The following CCSER1 variants were observed in gnomAD, a reference collection of about 807,000 sequenced individuals.
CCSER1 encodes the protein coiled-coil serine rich protein 1.
A neutral mutation model predicts 82.0 loss-of-function variants in CCSER1; 41 were observed. That is an observed-to-expected ratio of 0.50 (90% CI 0.39 to 0.65). The LOEUF is 0.65. CCSER1 is among the 30% of genes least tolerant of loss of function. The probability of loss-of-function intolerance (pLI) is 0.00; values close to 1 mark genes in which losing one functional copy is unlikely to be tolerated. For synonymous variants in CCSER1, 414 were observed against 383.9 expected (o/e 1.08, Z -0.92); for missense variants, 1,119 against 1,064.2 (o/e 1.05, Z -0.72).
intron 9 of CCSER1, among the ~76,000 whole-genome samples, chr4:90,946,891 A>G (rs13117039): frequency 0.051 from 7,744 of 152,280 alleles, 391 homozygotes; most frequent in East Asian, 0.22. Flanking sequence ...AGTGACTCAT[A>G]ACATCAAATA....
intron 1 of CCSER1, among the ~76,000 whole-genome samples, chr4:90,262,330 G>T (rs1724484326): frequency 6.6e-6 from 1 of 151,924 alleles, no homozygotes; most frequent in Admixed American, 6.6e-5. Flanking sequence ...TGCTTTTAGG[G>T]CTGAAGACTG....
intron 8 of CCSER1, among the ~76,000 whole-genome samples, chr4:90,817,401 A>G (rs1371926870): frequency 6.6e-6 from 1 of 152,056 alleles, no homozygotes; most frequent in Non-Finnish European, 1.5e-5. Context: ...CATTTGCTGA[A>G]TTAAATGAAA....
chr4:90,471,724 C>T lies in CCSER1; in HGVS notation c.1724+3370C>T, dbSNP rs573893607. On this transcript the variant is annotated intron_variant, in intron 5 of 10. Transcript: ENST00000509176. ...GACGTGGTGACTCACACCTGTAATC[C>T]CGCACTTTGGGAGGCCGAGGCGGGC... Among the ~76,000 whole-genome samples the T allele has an allele frequency of 1.1e-4, 16 of 151,442 alleles. No homozygotes were observed. The East Asian group carries it at 3.1e-3, about 29-fold the overall frequency.
At chr4:90,206,030 G>T (rs1738751737) in intron 1 of CCSER1, among the ~76,000 whole-genome samples, 1 of 152,054 alleles carries the variant, frequency 6.6e-6, no homozygotes, top group African/African-American at 2.4e-5. Context: ...ATTTTTGTGG[G>T]ATCAGTGGGG....
intron 10 of CCSER1, among the ~76,000 whole-genome samples, chr4:91,506,009 C>T (rs1009514886): frequency 2.0e-5 from 3 of 152,218 alleles, no homozygotes; most frequent in Admixed American, 6.5e-5. Flanking sequence ...AATCTTTGCC[C>T]ATGCCTATGT....
chr4:91,312,635 T>G (rs1298198880), intron 10 of CCSER1, among the ~76,000 whole-genome samples: 1 of 151,920 alleles, frequency 6.6e-6, no homozygotes, highest in Non-Finnish European at 1.5e-5. Flanking sequence ...TAAACTTGGA[T>G]TCCATACTCA....
rs1012491465 is a variant in CCSER1, at chr4:90,369,450, TGAA to T, written c.1510-30580_1510-30578del. Among the ~76,000 whole-genome samples the T allele has an allele frequency of 4.3e-4, 65 of 151,266 alleles. 1 individual carries two copies. Among genetic ancestry groups the T allele is most frequent in the African/African-American group, 1.4e-3 (59 of 41,252 alleles). ...GCACAGAGGTATAAAAAAAGAGAAT[TGAA>T]GAAGATATAGGGAGATTGAGAGTAA... On this transcript the variant is annotated intron_variant, in intron 3 of 10. Transcript: ENST00000509176.
At chr4:91,353,677 T>C (rs991451747) in intron 10 of CCSER1, among the ~76,000 whole-genome samples, 12 of 152,200 alleles carry the variant, frequency 7.9e-5, no homozygotes, top group Non-Finnish European at 1.6e-4. Flanking sequence ...TCTTATGCAA[T>C]AGATTGATAG....
chr4:91,556,935 T>A (rs757877145), intron 10 of CCSER1, among the ~76,000 whole-genome samples: 25 of 151,184 alleles, frequency 1.7e-4, no homozygotes, highest in Non-Finnish European at 2.7e-4. Flanking sequence ...AGAGAGGCCA[T>A]TTTTTAGTTT....
rs1325252254 is a variant in CCSER1 at position 90,923,423 on chromosome 4, A to G, written c.2148A>G (p.Thr716=). ...KAFASRVDKS[T]QTELLCYDGL... The stretch of plus-strand genomic sequence containing the variant: ...TTGCTTCAAGAGTAGATAAATCCAC[A>G]CAGACTGAACTACTATGCTATGATG... The change falls in exon 9 of 11, where the codon ACA becomes ACG. Residue 716 remains threonine (T), a synonymous_variant. Coordinates refer to ENST00000509176, the MANE Select transcript of CCSER1 (RefSeq NM_001145065.2). The G allele has an allele frequency of 6.4e-7, 1 of 1,551,264 alleles. No individual in the cohort carries two copies.
At chr4:90,361,995 G>A (rs1017656407) in intron 3 of CCSER1, among the ~76,000 whole-genome samples, 4 of 152,146 alleles carry the variant, frequency 2.6e-5, no homozygotes, top group East Asian at 1.9e-4. Context: ...TCCTTCTAGT[G>A]CAAAAGTCAG....
intron 5 of CCSER1, among the ~76,000 whole-genome samples, chr4:90,506,776 A>AT (rs200867151): frequency 0.016 from 2,385 of 152,160 alleles, 36 homozygotes; most frequent in African/African-American, 0.044. Flanking sequence ...AAAAAAAAAA[A>AT]AAATAAATAA....
intron 6 of CCSER1, among the ~76,000 whole-genome samples, chr4:90,707,536 A>AT (rs534333650): frequency 0.012 from 1,711 of 144,616 alleles, 15 homozygotes; most frequent in South Asian, 0.026. Flanking sequence ...CCTTAAAAAA[A>AT]AAATATATAT....
At chr4:91,342,873 A>AT (rs1266129252) in intron 10 of CCSER1, among the ~76,000 whole-genome samples, 1 of 152,034 alleles carries the variant, frequency 6.6e-6, no homozygotes, top group Admixed American at 6.6e-5. Context: ...GAATTATGTG[A>AT]TTCATCATTT....
chr4:91,317,938 T>C (rs537104657), intron 10 of CCSER1, among the ~76,000 whole-genome samples: 97 of 152,044 alleles, frequency 6.4e-4, no homozygotes, highest in African/African-American at 2.3e-3. Flanking sequence ...CTTTGCTCCA[T>C]TTGGATTGAA....
At chr4:91,234,459 C>G (rs1428746729) in intron 10 of CCSER1, among the ~76,000 whole-genome samples, 1 of 151,980 alleles carries the variant, frequency 6.6e-6, no homozygotes, top group Non-Finnish European at 1.5e-5. Flanking sequence ...ACAATTTTAA[C>G]CCCAGAGGAA....
At chr4:91,076,141 T>TA (rs1721972692) in intron 9 of CCSER1, among the ~76,000 whole-genome samples, 1 of 152,156 alleles carries the variant, frequency 6.6e-6, no homozygotes, top group South Asian at 2.1e-4. Flanking sequence ...AAAATCCTCT[T>TA]AAGCCATTAT....
chr4:91,305,702 T>G (rs1745008613), intron 10 of CCSER1, among the ~76,000 whole-genome samples: 1 of 149,956 alleles, frequency 6.7e-6, no homozygotes, highest in Non-Finnish European at 1.5e-5. Flanking sequence ...TCTGTTCTCA[T>G]GCTGCTAATA....
chr4:91,012,643 G>C, intron 9 of CCSER1, among the ~76,000 whole-genome samples: 1 of 130,042 alleles, frequency 7.7e-6, no homozygotes, highest in Non-Finnish European at 1.8e-5. Flanking sequence ...AAGCCTCAAG[G>C]GTAGAAGGGT....
Sources: gnomAD v4.1 joint callset for allele counts (sites outside exome capture counted in the v4.1 genomes callset) on GRCh38, gnomAD v4.1.1 for gene constraint, MANE v1.5 for transcripts, NCBI Gene and HGNC (gene_info 2026-07-23, HGNC 2026-07-21) for gene names.